PRELID2: variants seen among roughly 807,000 people sequenced by gnomAD.
PRELID2 encodes PRELI domain containing 2.
PRELID2 carries 25 observed loss-of-function variants against 28.4 expected under a neutral mutation model. That is an observed-to-expected ratio of 0.88 (90% CI 0.64 to 1.23). PRELID2 has a LOEUF of 1.23. Ranked by LOEUF, PRELID2 falls within the 50% of genes most tolerant of loss-of-function variation. PRELID2 has a pLI of 0.00. For missense variants in PRELID2, 201 were observed against 214.4 expected (o/e 0.94, Z 0.39); for synonymous variants, 76 against 71.6 (o/e 1.06, Z -0.31).
chr5:145,565,828 G>A (rs1752962258), intron 1 of PRELID2, among the ~76,000 whole-genome samples: 1 of 152,194 alleles, frequency 6.6e-6, no homozygotes, highest in East Asian at 1.9e-4. Flanking sequence ...GTAGGTGTAA[G>A]TCTAAGCAAA....
At chr5:145,365,402 T>C in the PRELID2 span, among the ~76,000 whole-genome samples, 1 of 151,224 alleles carries the variant, frequency 6.6e-6, no homozygotes, top group Non-Finnish European at 1.5e-5. Context: ...AATATGAATA[T>C]TGCTTGTCAA....
At chr5:145,683,962 G>GC (rs1754987747) in intron 1 of PRELID2, among the ~76,000 whole-genome samples, 1 of 152,124 alleles carries the variant, frequency 6.6e-6, no homozygotes, top group Non-Finnish European at 1.5e-5. Context: ...AGGTTTGTAA[G>GC]CAGAGCGACA....
the PRELID2 span, among the ~76,000 whole-genome samples, chr5:145,343,678 C>G: frequency 3.3e-5 from 5 of 151,290 alleles, no homozygotes; most frequent in Non-Finnish European, 7.4e-5. Context: ...AAGAGCAGAA[C>G]TAAATGAAAT....
At chr5:145,232,546 A>C in the PRELID2 span, among the ~76,000 whole-genome samples, 1 of 152,144 alleles carries the variant, frequency 6.6e-6, no homozygotes, top group Non-Finnish European at 1.5e-5. Context: ...TTTCTCTCTA[A>C]ACAGTATCAT....
At chr5:145,779,747 A>G (rs1317784952) in intron 5 of PRELID2, among the ~76,000 whole-genome samples, 1 of 152,108 alleles carries the variant, frequency 6.6e-6, no homozygotes, top group East Asian at 1.9e-4. Flanking sequence ...CATAAGATAT[A>G]TAGTATTATT....
At chr5:145,554,870 C>T (rs546812852) in intron 1 of PRELID2, among the ~76,000 whole-genome samples, 8 of 152,298 alleles carry the variant, frequency 5.3e-5, no homozygotes, top group African/African-American at 1.9e-4. Flanking sequence ...CTTATTCATT[C>T]ATGGGTCATC....
chr5:145,572,256 T>G (rs1040763754), intron 1 of PRELID2, among the ~76,000 whole-genome samples: 2 of 152,192 alleles, frequency 1.3e-5, no homozygotes, highest in African/African-American at 4.8e-5. Flanking sequence ...CATATATTGA[T>G]TGATGTCTTA....
chr5:145,743,936 G>A (rs943297457), intron 1 of PRELID2, among the ~76,000 whole-genome samples: 10 of 152,300 alleles, frequency 6.6e-5, no homozygotes, highest in South Asian at 2.1e-4. Flanking sequence ...TCCCTGGGCC[G>A]GGGAAGGGCA....
At chr5:145,513,604 A>C (rs1157230176) in intron 1 of PRELID2, among the ~76,000 whole-genome samples, 6 of 152,170 alleles carry the variant, frequency 3.9e-5, no homozygotes, top group Admixed American at 3.9e-4. Flanking sequence ...TCCCCAACCT[A>C]GCAAGACAGG....
chr5:145,359,865 C>T, the PRELID2 span, among the ~76,000 whole-genome samples: 2 of 152,184 alleles, frequency 1.3e-5, no homozygotes, highest in Non-Finnish European at 2.9e-5. Context: ...ACCCACTCTT[C>T]TCATTAGTTC....
the PRELID2 span, among the ~76,000 whole-genome samples, chr5:145,328,059 T>A: frequency 6.6e-6 from 1 of 152,182 alleles, no homozygotes. Flanking sequence ...CCTGTGCTAG[T>A]TTGCTGAGAA....
the PRELID2 span, among the ~76,000 whole-genome samples, chr5:145,358,689 T>C: frequency 4.5e-4 from 68 of 151,886 alleles, 1 homozygote; most frequent in Non-Finnish European, 9.9e-4. Flanking sequence ...AAAGATAAAA[T>C]CCAATGAAAG....
chr5:145,660,481 C>T (rs550846413), intron 1 of PRELID2, among the ~76,000 whole-genome samples: 80 of 152,270 alleles, frequency 5.3e-4, no homozygotes, highest in African/African-American at 1.9e-3. Flanking sequence ...AAGGAGACAG[C>T]TTATTCCTAT....
chr5:145,365,410 C>A, the PRELID2 span, among the ~76,000 whole-genome samples: 1 of 149,548 alleles, frequency 6.7e-6, no homozygotes, highest in African/African-American at 2.4e-5. Context: ...TATTGCTTGT[C>A]AATTAAAAAT....
At chr5:145,435,136 A>G in the PRELID2 span, among the ~76,000 whole-genome samples, 3 of 152,220 alleles carry the variant, frequency 2.0e-5, no homozygotes, top group African/African-American at 7.2e-5. Flanking sequence ...CCTGGAACGT[A>G]TGCCCTTGTA....
chr5:145,301,657 G>C, the PRELID2 span, among the ~76,000 whole-genome samples: 2 of 152,068 alleles, frequency 1.3e-5, no homozygotes, highest in African/African-American at 4.8e-5. Flanking sequence ...TTATATCTAT[G>C]ACCCATCTCA....
intron 1 of PRELID2, among the ~76,000 whole-genome samples, chr5:145,743,760 A>G (rs909542012): frequency 6.6e-6 from 1 of 152,200 alleles, no homozygotes; most frequent in African/African-American, 2.4e-5. Context: ...CAGATTCTCA[A>G]CAGCCTCTCA....
chr5:145,249,955 C>CTT, the PRELID2 span, among the ~76,000 whole-genome samples: 1 of 151,604 alleles, frequency 6.6e-6, no homozygotes, highest in African/African-American at 2.4e-5. Flanking sequence ...CTCTCTCTCT[C>CTT]TCTCTCTCTC....
At chr5:145,629,292 T>C (rs1477979037) in intron 1 of PRELID2, among the ~76,000 whole-genome samples, 1 of 152,228 alleles carries the variant, frequency 6.6e-6, no homozygotes, top group East Asian at 1.9e-4. Context: ...ATGAGTAGCC[T>C]GGTGTGCACA....
Sources: gnomAD v4.1 joint callset for allele counts (sites outside exome capture counted in the v4.1 genomes callset) on GRCh38, gnomAD v4.1.1 for gene constraint, MANE v1.5 for transcripts, NCBI Gene and HGNC (gene_info 2026-07-23, HGNC 2026-07-21) for gene names.